ZNF583: variants seen among roughly 807,000 people sequenced by gnomAD.
The protein encoded by ZNF583 is zinc finger protein 583.
A neutral mutation model predicts 55.3 loss-of-function variants in ZNF583; 30 were observed. The observed-to-expected ratio is 0.54, with a 90% confidence interval of 0.41 to 0.74. ZNF583 has a LOEUF of 0.74. ZNF583 is among the 30% of genes least tolerant of loss of function. The pLI is 0.00. For missense variants in ZNF583, 504 were observed against 664.7 expected (o/e 0.76, Z 2.66); for synonymous variants, 208 against 220.0 (o/e 0.95, Z 0.48).
At chr19:56,411,124 C>CAAA (rs36007598) in intron 2 of ZNF583, among the ~76,000 whole-genome samples, 3 of 135,588 alleles carry the variant, frequency 2.2e-5, no homozygotes, top group Non-Finnish European at 4.8e-5. Flanking sequence ...TCATCTGTAC[C>CAAA]AAAAAAAAAA....
At chr19:56,410,219 C>T (rs185890105) in intron 2 of ZNF583, among the ~76,000 whole-genome samples, 12 of 152,284 alleles carry the variant, frequency 7.9e-5, no homozygotes, top group African/African-American at 2.9e-4. Flanking sequence ...ACTTTACTCC[C>T]ACCCTGAATT....
chr19:56,411,438 C>G (rs898080073), intron 2 of ZNF583, among the ~76,000 whole-genome samples: 1 of 152,146 alleles, frequency 6.6e-6, no homozygotes, highest in Non-Finnish European at 1.5e-5. Flanking sequence ...TTCATGGTCT[C>G]ATTGGCTGAC....
chr19:56,407,226 C>T (rs539314916), intron 2 of ZNF583, 103 bp downstream of exon 2: 4 of 1,374,578 alleles, frequency 2.9e-6, no homozygotes, highest in African/African-American at 1.4e-5. Flanking sequence ...AATAAGGTTC[C>T]ATTCATCCAG....
Position 56,405,458 on chromosome 19 carries a change from G to A in ZNF583, c.-90+1006G>A, listed in dbSNP as rs554096934. 2.4e-4 allele frequency among the ~76,000 whole-genome samples: 37 copies of A among 152,264 alleles called. No individual in the cohort carries two copies. The South Asian group carries it at 7.7e-3, about 32-fold the overall frequency. On this transcript the variant is annotated intron_variant, in intron 1 of 4. Coordinates refer to ENST00000333201, the MANE Select transcript of ZNF583 (RefSeq NM_152478.3). ...GATTTGTGTGGGCAGGAAGCTGTGT[G>A]GGTGCTTGGAGATGCTGGTGTGCTC...
At chr19:56,407,349 T>C (rs1314865679) in intron 2 of ZNF583, among the ~76,000 whole-genome samples, 1 of 152,194 alleles carries the variant, frequency 6.6e-6, no homozygotes, top group Non-Finnish European at 1.5e-5. Flanking sequence ...GCACCTTCTC[T>C]GGGTTTAGTG....
intron 4 of ZNF583, among the ~76,000 whole-genome samples, chr19:56,419,559 A>C (rs1022945647): frequency 6.6e-6 from 1 of 152,206 alleles, no homozygotes; most frequent in Non-Finnish European, 1.5e-5. Flanking sequence ...GGCCTTATGA[A>C]AACAAGTTGG....
intron 4 of ZNF583, among the ~76,000 whole-genome samples, chr19:56,419,603 T>G (rs1362208273): frequency 6.6e-6 from 1 of 152,246 alleles, no homozygotes; most frequent in African/African-American, 2.4e-5. Flanking sequence ...TCTGACAGTT[T>G]GAATAAAATG....
intron 1 of ZNF583, 34 bp from the exon 2 acceptor site, chr19:56,406,992 G>A (rs753339252): frequency 9.4e-7 from 1 of 1,068,504 alleles, no homozygotes; most frequent in Non-Finnish European, 1.4e-6. Context: ...TGCAGGGCAG[G>A]CCTGGCATTT....
chr19:56,419,338 G>C (rs557106100), intron 4 of ZNF583, among the ~76,000 whole-genome samples: 2 of 151,942 alleles, frequency 1.3e-5, no homozygotes. Flanking sequence ...TAGGACTACA[G>C]GCATGCGCCA....
At chr19:56,406,074 C>T (rs1254871799) in intron 1 of ZNF583, among the ~76,000 whole-genome samples, 2 of 152,218 alleles carry the variant, frequency 1.3e-5, no homozygotes, top group South Asian at 2.1e-4. Context: ...GCTCCTCCCT[C>T]CCTCTCTCCT....
intron 2 of ZNF583, among the ~76,000 whole-genome samples, chr19:56,407,764 T>C (rs1008913385): frequency 5.9e-5 from 9 of 152,168 alleles, no homozygotes; most frequent in Admixed American, 2.6e-4. Flanking sequence ...GGAATTAATA[T>C]GTAAAAAATA....
chr19:56,414,323 C>T, intron 3 of ZNF583, 22 bp from the exon 4 acceptor site: 1 of 1,611,630 alleles, frequency 6.2e-7, no homozygotes, highest in Non-Finnish European at 8.5e-7. Flanking sequence ...TGCCTAATTC[C>T]CCTTTTGTTT....
intron 3 of ZNF583, 55 bp downstream of exon 3, chr19:56,414,140 A>C (rs1352478330): frequency 6.4e-7 from 1 of 1,551,140 alleles, no homozygotes; most frequent in Non-Finnish European, 8.7e-7. Flanking sequence ...GCTCCAATGT[A>C]ATATTTGGGA....
chr19:56,405,577 G>A (rs1313060982), intron 1 of ZNF583, among the ~76,000 whole-genome samples: 1 of 152,044 alleles, frequency 6.6e-6, no homozygotes, highest in Non-Finnish European at 1.5e-5. Context: ...GCTGAAAAGG[G>A]AGAGACAGAC....
At chr19:56,419,754 G>A (rs569129069) in intron 4 of ZNF583, among the ~76,000 whole-genome samples, 9 of 152,224 alleles carry the variant, frequency 5.9e-5, no homozygotes, top group Admixed American at 4.6e-4. Flanking sequence ...GGTAGGCTGT[G>A]TCTTTCAAGA....
chr19:56,418,714 GT>G lies in ZNF583; in HGVS notation c.233-4168del, dbSNP rs71293967. 4.0e-5 allele frequency among the ~76,000 whole-genome samples: 6 copies of G among 151,240 alleles called. No individual in the cohort carries two copies. In the South Asian group the frequency reaches 6.3e-4, roughly 16 times the overall value. On this transcript the variant is annotated intron_variant, in intron 4 of 4. Transcript: ENST00000333201. ...GACAATCATGCTATCTACAAATACA[GT>G]TTTTTTTTCCTTCTGATCCTTATAC...
At position 56,407,503 on chromosome 19, in the gene ZNF583, G is replaced by A. The variant is rs114143622; in HGVS notation, c.9+380G>A. 4.3e-3 allele frequency among the ~76,000 whole-genome samples: 648 copies of A among 152,338 alleles called. 5 individuals carry two copies. The highest frequency in any genetic ancestry group is 0.015 in the African/African-American group (622 of 41,572). Reference sequence around the variant, plus strand: ...TTTTCCATAGACCTAGGTTTGAAAAGAAGGCAAGACAGGAGGGTTATCAGG... The same window carrying A: ...TTTTCCATAGACCTAGGTTTGAAAAAAAGGCAAGACAGGAGGGTTATCAGG... On this transcript the variant is annotated intron_variant, in intron 2 of 4. Transcript: ENST00000333201.
chr19:56,423,060 T>C lies in ZNF583; in HGVS notation c.402T>C (p.Ser134=), dbSNP rs1445172229. The C allele has an allele frequency of 3.7e-6, 6 of 1,613,844 alleles. No homozygotes were observed. The highest frequency in any genetic ancestry group is 5.1e-6 in the Non-Finnish European group (6 of 1,179,920). Residue 134 remains serine (S), a synonymous_variant, in exon 5 of 5, where the codon AGT becomes AGC. Coordinates refer to ENST00000333201, the MANE Select transcript of ZNF583 (RefSeq NM_152478.3). ...ACTGGTATAAGAACCAGCTGGGAAG[T>C]CAAGAGGTACATCTTAGTCAATTAA... ...SEDWYKNQLG[S]QEVHLSQLII...
chr19:56,423,785 G>T lies in ZNF583; in HGVS notation c.1127G>T (p.Gly376Val). ...ATTGTACATCAGAGAATTCATACTG[G>T]AGAGAGACCCTACGAATGTAAGGAA... is the stretch of plus-strand genomic sequence containing the variant. Reference protein sequence around the residue: ...YLIVHQRIHTGERPYECKECR... With the variant: ...YLIVHQRIHTVERPYECKECR... Residue 376 changes from glycine (G) to valine (V), a missense_variant, in exon 5 of 5, where the codon GGA (glycine) becomes GTA (valine). This residue lies in a region of ZNF583 where 237 missense variants were observed against 373.0 expected (regional missense o/e 0.64). Coordinates refer to ENST00000333201, the MANE Select transcript of ZNF583 (RefSeq NM_152478.3). 1 of 1,613,582 alleles carries T rather than the reference G, an allele frequency of 6.2e-7. No individual in the cohort carries two copies. The highest frequency in any genetic ancestry group is 8.5e-7 in the Non-Finnish European group (1 of 1,179,928).
Sources: gnomAD v4.1 joint callset for allele counts (sites outside exome capture counted in the v4.1 genomes callset) on GRCh38, gnomAD v4.1.1 for gene constraint, gnomAD v4.1.1 regional missense constraint, MANE v1.5 for transcripts, NCBI Gene and HGNC (gene_info 2026-07-23, HGNC 2026-07-21) for gene names.